The following DLC1 variants were observed in gnomAD, a reference collection of about 807,000 sequenced individuals.
DLC1 encodes rho GTPase-activating protein 7.
In DLC1, 54 loss-of-function variants were observed where a neutral mutation model predicts 140.3. That is an observed-to-expected ratio of 0.38 (90% CI 0.31 to 0.48). DLC1 has a LOEUF of 0.48. Among genes scored for constraint, DLC1 ranks in the 20% least tolerant of loss-of-function variants. The probability of loss-of-function intolerance (pLI) is 0.96; values close to 1 mark genes in which losing one functional copy is unlikely to be tolerated. For missense variants in DLC1, 2,536 were observed against 1,907.0 expected, an observed-to-expected ratio of 1.33 and a Z score of -6.14; for synonymous variants, 986 against 728.1, an observed-to-expected ratio of 1.35 and a Z score of -5.70.
chr8:13,393,237 A>G (rs1282385818), intron 4 of DLC1, among the ~76,000 whole-genome samples: 1 of 152,102 alleles, frequency 6.6e-6, no homozygotes, highest in East Asian at 1.9e-4. Flanking sequence ...CTGTCAAGAT[A>G]ATAGTGTAGG....
chr8:13,172,361 T>C (rs1825532740), intron 5 of DLC1, among the ~76,000 whole-genome samples: 1 of 152,136 alleles, frequency 6.6e-6, no homozygotes, highest in Admixed American at 6.5e-5. Flanking sequence ...AGCCAACAGG[T>C]ATTCAGTACC....
intron 5 of DLC1, among the ~76,000 whole-genome samples, chr8:13,278,493 G>A (rs917003847): frequency 6.6e-6 from 1 of 152,182 alleles, no homozygotes; most frequent in Non-Finnish European, 1.5e-5. Context: ...TCTTCGAGGA[G>A]GAAATATCAC....
At chr8:13,346,793 A>G (rs1425499151) in intron 4 of DLC1, among the ~76,000 whole-genome samples, 3 of 152,114 alleles carry the variant, frequency 2.0e-5, no homozygotes, top group African/African-American at 4.8e-5. Flanking sequence ...ACTGTAGCAG[A>G]TATTTCTGAC....
intron 4 of DLC1, among the ~76,000 whole-genome samples, chr8:13,328,140 A>T (rs1376126501): frequency 6.6e-6 from 1 of 152,222 alleles, no homozygotes; most frequent in Non-Finnish European, 1.5e-5. Context: ...GCTAATAAGC[A>T]CTGAGCACCT....
At chr8:13,165,827 G>A (rs1194682134) in intron 5 of DLC1, among the ~76,000 whole-genome samples, 1 of 152,058 alleles carries the variant, frequency 6.6e-6, no homozygotes, top group Admixed American at 6.6e-5. Flanking sequence ...GGCTTCCTTG[G>A]GTCAGTTTCC....
At chr8:13,384,811 T>C (rs896170134) in intron 4 of DLC1, among the ~76,000 whole-genome samples, 2 of 152,056 alleles carry the variant, frequency 1.3e-5, no homozygotes, top group African/African-American at 4.8e-5. Context: ...AACTCACTGA[T>C]GAAGAAACCT....
intron 6 of DLC1, among the ~76,000 whole-genome samples, chr8:13,114,388 G>A (rs1820369961): frequency 6.6e-6 from 1 of 152,112 alleles, no homozygotes; most frequent in Non-Finnish European, 1.5e-5. Flanking sequence ...TAAATGAACA[G>A]CCTATTTATC....
At chr8:13,236,788 A>C (rs2117222040) in intron 5 of DLC1, among the ~76,000 whole-genome samples, 1 of 152,236 alleles carries the variant, frequency 6.6e-6, no homozygotes, top group South Asian at 2.1e-4. Flanking sequence ...CAATATTCTG[A>C]GTTCATATCC....
At chr8:13,603,137 TAAAAG>T (rs1805942341) in intron 1 of DLC1, among the ~76,000 whole-genome samples, 1 of 151,870 alleles carries the variant, frequency 6.6e-6, no homozygotes, top group African/African-American at 2.4e-5. Flanking sequence ...TTTCTTAAAA[TAAAAG>T]AACTCTTAAG....
intron 4 of DLC1, among the ~76,000 whole-genome samples, chr8:13,388,047 T>C (rs765929831): frequency 6.6e-6 from 1 of 152,044 alleles, no homozygotes; most frequent in Non-Finnish European, 1.5e-5. Flanking sequence ...ACATAAATTA[T>C]GCATACATAA....
At chr8:13,252,334 G>A (rs886996261) in intron 5 of DLC1, among the ~76,000 whole-genome samples, 4 of 152,134 alleles carry the variant, frequency 2.6e-5, no homozygotes, top group Non-Finnish European at 4.4e-5. Context: ...AGATATAACT[G>A]CGACAAAGGG....
chr8:13,294,622 T>A (rs1400956792), intron 5 of DLC1, among the ~76,000 whole-genome samples: 1 of 152,142 alleles, frequency 6.6e-6, no homozygotes, highest in Non-Finnish European at 1.5e-5. Context: ...TTACCATGAC[T>A]ACAGAGGAAG....
intron 1 of DLC1, among the ~76,000 whole-genome samples, chr8:13,578,832 C>T (rs538563946): frequency 6.6e-6 from 1 of 152,152 alleles, no homozygotes; most frequent in South Asian, 2.1e-4. Context: ...CAAACCCTGT[C>T]CTTTAGGTTT....
At chr8:13,575,892 G>C (rs749546397) in intron 1 of DLC1, among the ~76,000 whole-genome samples, 6 of 152,224 alleles carry the variant, frequency 3.9e-5, no homozygotes, top group South Asian at 2.1e-4. Context: ...ACTGAGACAT[G>C]TGTAACCTTA....
At chr8:13,539,927 A>G (rs1363027367) in intron 1 of DLC1, among the ~76,000 whole-genome samples, 4 of 152,216 alleles carry the variant, frequency 2.6e-5, no homozygotes. Context: ...AATAAGCTAC[A>G]AAACCTTTTC....
chr8:13,176,955 G>C (rs1038938147), intron 5 of DLC1, among the ~76,000 whole-genome samples: 1 of 152,136 alleles, frequency 6.6e-6, no homozygotes, highest in Non-Finnish European at 1.5e-5. Context: ...TCCAGGAGCT[G>C]GGAACAGCAA....
chr8:13,417,349 T>A lies in DLC1; in HGVS notation c.1024-15730A>T, dbSNP rs866702905. On this transcript the variant is annotated intron_variant, in intron 2 of 17. Transcript: ENST00000276297. ...GCATTAGGTATATCTCCTAATGCTA[T>A]CCCTCCCACCTCCCCCCACCCAACA... 4.0e-4 allele frequency among the ~76,000 whole-genome samples: 59 copies of A among 147,354 alleles called. 2 individuals are homozygous for A. In the Middle Eastern group the frequency reaches 0.014, roughly 35 times the overall value.
intron 5 of DLC1, among the ~76,000 whole-genome samples, chr8:13,161,866 T>G (rs1824729950): frequency 1.3e-5 from 2 of 152,214 alleles, no homozygotes; most frequent in South Asian, 4.1e-4. Context: ...AAATCAATAT[T>G]CGTAGTATTT....
chr8:13,192,731 T>C (rs1187892422), intron 5 of DLC1, among the ~76,000 whole-genome samples: 1 of 152,160 alleles, frequency 6.6e-6, no homozygotes, highest in Non-Finnish European at 1.5e-5. Flanking sequence ...TAGGGCAGGA[T>C]CCTGATCCAA....
Sources: gnomAD v4.1 joint callset for allele counts (sites outside exome capture counted in the v4.1 genomes callset) on GRCh38, gnomAD v4.1.1 for gene constraint, MANE v1.5 for transcripts, NCBI Gene and HGNC (gene_info 2026-07-23, HGNC 2026-07-21) for gene names.